Variants in SLC35A5 observed in about 807,000 individuals in gnomAD.
SLC35A5 encodes the protein UDP-sugar transporter protein SLC35A5.
Under a neutral mutation model 36.3 loss-of-function variants are expected in SLC35A5, and 28 were observed. The observed-to-expected ratio is 0.77, with a 90% CI of 0.57 to 1.06. The LOEUF (loss-of-function observed/expected upper bound fraction) is 1.06, where lower values mean the gene tolerates loss of function less well. Ranked by LOEUF, SLC35A5 falls within the 50% of genes least tolerant of loss-of-function variation. SLC35A5 has a pLI of 0.00. For missense variants in SLC35A5, 521 were observed against 499.3 expected (o/e 1.04, Z -0.41); for synonymous variants, 180 against 173.7 (o/e 1.04, Z -0.29).
At chr3:112,574,455 T>G (rs986873466) in intron 5 of SLC35A5, among the ~76,000 whole-genome samples, 6 of 152,158 alleles carry the variant, frequency 3.9e-5, no homozygotes, top group Admixed American at 6.5e-5. Flanking sequence ...GGATAGTTTT[T>G]TAAACTTTTA....
rs1268021846 is a variant in SLC35A5, at chr3:112,584,246, T to C, written c.*1510T>C. On this transcript the variant is annotated 3_prime_UTR_variant, in exon 7 of 7. Coordinates refer to ENST00000492406, the MANE Select transcript of SLC35A5 (RefSeq NM_017945.5). ...AGTGAGACAAAAACCTACACAACTT[T>C]TAAAACTTTCTCTTTAAGTAGATCT... 2.0e-5 allele frequency: 3 copies of C among 152,158 alleles called. No homozygotes were observed. The highest frequency in any genetic ancestry group is 4.4e-5 in the Non-Finnish European group (3 of 68,016). 9.4% of individuals were successfully genotyped at this position (152,158 alleles called of 1,614,324 possible).
chr3:112,562,425 G>C (rs975937006), intron 1 of SLC35A5, among the ~76,000 whole-genome samples, 152 bp downstream of exon 1: 1 of 152,210 alleles, frequency 6.6e-6, no homozygotes, highest in African/African-American at 2.4e-5. Flanking sequence ...TCCTGTAGGC[G>C]TGCGCCCAAT....
At chr3:112,571,155 T>G (rs1040964149) in intron 4 of SLC35A5, among the ~76,000 whole-genome samples, 2 of 152,248 alleles carry the variant, frequency 1.3e-5, no homozygotes, top group African/African-American at 4.8e-5. Flanking sequence ...ACCAACAAAT[T>G]CTTCAAGGGT....
chr3:112,566,858 A>G (rs1217747036), intron 2 of SLC35A5, among the ~76,000 whole-genome samples: 1 of 152,152 alleles, frequency 6.6e-6, no homozygotes, highest in Non-Finnish European at 1.5e-5. Context: ...AGTATTTTAT[A>G]TTTTGTTTTT....
intron 3 of SLC35A5, among the ~76,000 whole-genome samples, chr3:112,569,552 A>G (rs1302385697): frequency 6.6e-6 from 1 of 152,228 alleles, no homozygotes; most frequent in Non-Finnish European, 1.5e-5. Context: ...TCATACAGTA[A>G]GTTAGTTTTT....
At chr3:112,571,672 A>G (rs1187602144) in intron 4 of SLC35A5, among the ~76,000 whole-genome samples, 1 of 152,174 alleles carries the variant, frequency 6.6e-6, no homozygotes, top group Non-Finnish European at 1.5e-5. Context: ...AAGAGGAGCA[A>G]AGTCATGTCT....
At chr3:112,582,098 T>C (rs1374317573) in intron 6 of SLC35A5, among the ~76,000 whole-genome samples, 5 of 152,182 alleles carry the variant, frequency 3.3e-5, no homozygotes, top group Non-Finnish European at 7.4e-5. Context: ...TTTACAATTT[T>C]CTTGAGCACA....
chr3:112,569,107 A>G, intron 2 of SLC35A5, 64 bp from the exon 3 acceptor site: 1 of 1,253,514 alleles, frequency 8.0e-7, no homozygotes, highest in Non-Finnish European at 1.1e-6. Flanking sequence ...CAATTATGTT[A>G]TACTGTATAT....
In SLC35A5 at chr3:112,563,501, G is replaced by C; in HGVS notation, c.98G>C (p.Arg33Pro). ...ATATTCATTGCTTTAAGCTCAAGTCGCATCTTACTAGTGAAGTATTCTGCC... is the reference window on the plus strand; with the variant it reads ...ATATTCATTGCTTTAAGCTCAAGTCCCATCTTACTAGTGAAGTATTCTGCC... Reference protein sequence around the residue: ...GAIFIALSSSRILLVKYSANE... With the variant: ...GAIFIALSSSPILLVKYSANE... The change falls in exon 2 of 7, where the codon CGC becomes CCC. Residue 33 changes from arginine to proline, a missense_variant. Coordinates refer to ENST00000492406, the MANE Select transcript of SLC35A5 (RefSeq NM_017945.5). The C allele has an allele frequency of 6.2e-7, 1 of 1,604,882 alleles. No individual in the cohort carries two copies. Among genetic ancestry groups the C allele is most frequent in the Non-Finnish European group, 8.5e-7 (1 of 1,173,276 alleles).
At chr3:112,575,173 A>G (rs1197193471) in intron 5 of SLC35A5, among the ~76,000 whole-genome samples, 1 of 152,194 alleles carries the variant, frequency 6.6e-6, no homozygotes, top group Non-Finnish European at 1.5e-5. Flanking sequence ...TTCCAAGACC[A>G]TTTCCATATT....
chr3:112,583,288 GT>G lies in SLC35A5; in HGVS notation c.*553del, dbSNP rs1935015683. Reference sequence around the variant, plus strand: ...CCATAGATTTGGGATGATGTAGTCTGTGCTAAATATTTTGCTGAAGAAGCAG... The same window carrying G: ...CCATAGATTTGGGATGATGTAGTCTGGCTAAATATTTTGCTGAAGAAGCAG... On this transcript the variant is annotated 3_prime_UTR_variant, in exon 7 of 7. Coordinates refer to ENST00000492406, the MANE Select transcript of SLC35A5 (RefSeq NM_017945.5). 1 of 395,280 alleles carries G rather than the reference GT, an allele frequency of 2.5e-6. No individual in the cohort carries two copies. Among genetic ancestry groups the G allele is most frequent in the African/African-American group, 2.1e-5 (1 of 48,506 alleles). 24.5% of individuals were successfully genotyped at this position (395,280 alleles called of 1,614,324 possible).
chr3:112,574,852 CCT>C (rs1934600411), intron 5 of SLC35A5, among the ~76,000 whole-genome samples: 3 of 151,444 alleles, frequency 2.0e-5, no homozygotes, highest in African/African-American at 7.3e-5. Flanking sequence ...TTTCTTTTAC[CCT>C]GAGGAAACAT....
chr3:112,565,092 G>A (rs1459704509), intron 2 of SLC35A5, among the ~76,000 whole-genome samples: 1 of 152,160 alleles, frequency 6.6e-6, no homozygotes, highest in African/African-American at 2.4e-5. Flanking sequence ...CTCTACTGCA[G>A]TTAACATTTA....
chr3:112,570,676 T>A lies in SLC35A5; in HGVS notation c.360+6T>A. ...TCCTGTCCTATCTTCAACCAGTAAGTAAATATGAAAAAGAAAATACCATTG... is the reference window on the plus strand; with the variant it reads ...TCCTGTCCTATCTTCAACCAGTAAGAAAATATGAAAAAGAAAATACCATTG... On this transcript the variant is annotated splice_donor_region_variant and intron_variant, in intron 4 of 6. Transcript: ENST00000492406. 1 of 1,542,632 alleles carries A rather than the reference T, an allele frequency of 6.5e-7. No homozygotes were observed. The highest frequency in any genetic ancestry group is 8.7e-7 in the Non-Finnish European group (1 of 1,151,878).
intron 5 of SLC35A5, among the ~76,000 whole-genome samples, chr3:112,576,582 C>T (rs930896589): frequency 9.9e-5 from 15 of 152,158 alleles, no homozygotes; most frequent in African/African-American, 3.6e-4. Flanking sequence ...ACTACCATTT[C>T]ACTCTCTTTT....
chr3:112,566,303 T>C (rs1429707880), intron 2 of SLC35A5, among the ~76,000 whole-genome samples: 1 of 152,168 alleles, frequency 6.6e-6, no homozygotes, highest in East Asian at 1.9e-4. Context: ...CCTACTGCAG[T>C]TTTCTGCAGT....
chr3:112,570,413 G>T, intron 3 of SLC35A5, 127 bp from the exon 4 acceptor site: 1 of 1,015,960 alleles, frequency 9.8e-7, no homozygotes, highest in Non-Finnish European at 1.4e-6. Context: ...AAGAGAGACA[G>T]TAATGAAATG....
chr3:112,580,830 T>C lies in SLC35A5; in HGVS notation c.713T>C (p.Val238Ala), dbSNP rs1417884940. The change falls in exon 6 of 7, where the codon GTC becomes GCC. Residue 238 changes from valine to alanine, a missense_variant. Val to Ala is a moderately conservative substitution (Grantham distance 64). Coordinates refer to ENST00000492406, the MANE Select transcript of SLC35A5 (RefSeq NM_017945.5). ...GGCATGGGCCATGTTCTTATTATAG[T>C]CCAGTGTTTTATTTCTTCAATGGCT... ...RLGMGHVLII[V>A]QCFISSMANI... 6.2e-7 allele frequency: 1 copy of C among 1,614,180 alleles called. No individual in the cohort carries two copies. Among genetic ancestry groups the C allele is most frequent in the East Asian group, 2.2e-5 (1 of 44,890 alleles).
chr3:112,574,078 T>C, intron 5 of SLC35A5, 122 bp downstream of exon 5: 1 of 820,004 alleles, frequency 1.2e-6, no homozygotes, highest in Non-Finnish European at 2.0e-6. Context: ...CCTAATTGAC[T>C]TTGTGTACTG....
Sources: allele counts gnomAD v4.1 joint callset (sites outside exome capture counted in the v4.1 genomes callset), GRCh38; gene constraint gnomAD v4.1.1; transcripts MANE v1.5; gene names NCBI Gene and HGNC (gene_info 2026-07-23, HGNC 2026-07-21).